The following VTI1A variants were observed in gnomAD, a reference collection of about 807,000 sequenced individuals.
VTI1A encodes the protein vesicle transport through interaction with t-SNAREs 1A.
VTI1A carries 22 observed loss-of-function variants against 34.9 expected under a neutral mutation model. That is an observed-to-expected ratio of 0.63 (90% confidence interval 0.45 to 0.90). The LOEUF (loss-of-function observed/expected upper bound fraction) is 0.90. Ranked by LOEUF, VTI1A falls within the 40% of genes least tolerant of loss-of-function variation. The pLI is 0.00. For synonymous variants in VTI1A, 87 were observed against 97.3 expected (o/e 0.89, Z 0.62); for missense variants, 268 against 275.6 (o/e 0.97, Z 0.20).
chr10:112,825,928 A>G, the VTI1A span: 1 of 152,254 alleles, frequency 6.6e-6, no homozygotes. Flanking sequence ...AGGAATGGTA[A>G]AAGTCATGCT....
chr10:112,851,467 G>A, the VTI1A span, among the ~76,000 whole-genome samples: 116 of 152,256 alleles, frequency 7.6e-4, no homozygotes, highest in Admixed American at 2.4e-3. Flanking sequence ...CTGTCTACAC[G>A]CTGAACCCCT....
intron 7 of VTI1A, among the ~76,000 whole-genome samples, chr10:112,741,287 C>G (rs1850685811): frequency 6.6e-6 from 1 of 151,954 alleles, no homozygotes; most frequent in Admixed American, 6.6e-5. Flanking sequence ...GGAACCCCGT[C>G]CTACTAAAAA....
intron 3 of VTI1A, among the ~76,000 whole-genome samples, chr10:112,525,580 ATTT>A (rs941413650): frequency 1.5e-4 from 23 of 152,008 alleles, no homozygotes; most frequent in Non-Finnish European, 3.1e-4. Context: ...AGGTTTATTT[ATTT>A]TTATTTCTAT....
intron 7 of VTI1A, among the ~76,000 whole-genome samples, chr10:112,812,754 C>A (rs1564935467): frequency 6.6e-6 from 1 of 152,180 alleles, no homozygotes; most frequent in African/African-American, 2.4e-5. Flanking sequence ...GGTTTGAAAG[C>A]AAATGCCCTT....
At chr10:112,763,874 C>G (rs1851564432) in intron 7 of VTI1A, among the ~76,000 whole-genome samples, 1 of 152,166 alleles carries the variant, frequency 6.6e-6, no homozygotes, top group African/African-American at 2.4e-5. Flanking sequence ...GGGTGCCAAT[C>G]AGACACTGCT....
intron 5 of VTI1A, among the ~76,000 whole-genome samples, chr10:112,602,462 A>G (rs1167899556): frequency 2.0e-5 from 3 of 152,244 alleles, no homozygotes; most frequent in South Asian, 2.1e-4. Flanking sequence ...GAGACTTATC[A>G]AAGCTTTCTT....
At chr10:112,548,799 A>G in intron 5 of VTI1A, 1 of 1,498,336 alleles carries the variant, frequency 6.7e-7, no homozygotes, top group Non-Finnish European at 9.0e-7. Context: ...CAGGAACCAT[A>G]CCAACAATGG....
intron 7 of VTI1A, among the ~76,000 whole-genome samples, chr10:112,708,877 A>G (rs972584077): frequency 1.3e-5 from 2 of 152,172 alleles, no homozygotes; most frequent in African/African-American, 4.8e-5. Context: ...TCCTAAAAAC[A>G]TGTTTCGTAG....
rs528388154 is a variant in VTI1A at position 112,705,945 on chromosome 10, T to G, written c.560+36947T>G. On this transcript the variant is annotated intron_variant, in intron 7 of 7. Transcript: ENST00000393077. Reference sequence around the variant, plus strand: ...TGTCATTTGAAAAAAAAAATTCTTTTGTCGTTGTTGTTTTTGTTAAGTTTG... The same window carrying G: ...TGTCATTTGAAAAAAAAAATTCTTTGGTCGTTGTTGTTTTTGTTAAGTTTG... Among the ~76,000 whole-genome samples, 5 of 152,350 alleles carry G rather than the reference T, an allele frequency of 3.3e-5. No homozygotes were observed. The East Asian group carries it at 9.6e-4, about 29-fold the overall frequency.
At position 112,817,138 on chromosome 10, in the gene VTI1A, A is replaced by G. The variant is rs1853546768; in HGVS notation, c.*1755A>G. ...TCTAAGAACCATTAAAAAGCAAGGAAACAAACAAACAACCCTTTTCTCATT... is the reference window on the plus strand; with the variant it reads ...TCTAAGAACCATTAAAAAGCAAGGAGACAAACAAACAACCCTTTTCTCATT... On this transcript the variant is annotated 3_prime_UTR_variant, in exon 8 of 8. Transcript: ENST00000393077. 1 of 232,562 alleles carries G rather than the reference A, an allele frequency of 4.3e-6. No individual in the cohort carries two copies. Among genetic ancestry groups the G allele is most frequent in the Non-Finnish European group, 8.5e-6 (1 of 117,598 alleles). 14.4% of individuals were successfully genotyped at this position (232,562 alleles called of 1,614,324 possible). A position where few individuals can be genotyped will look rare whatever the true frequency, so the allele number is the denominator to read the frequency against.
intron 7 of VTI1A, among the ~76,000 whole-genome samples, chr10:112,798,103 C>T (rs1400825639): frequency 6.6e-6 from 1 of 152,192 alleles, no homozygotes. Context: ...CTGCAGGGCG[C>T]TCTGACCATC....
intron 5 of VTI1A, among the ~76,000 whole-genome samples, chr10:112,640,535 G>GAA (rs1334331993): frequency 6.8e-6 from 1 of 146,870 alleles, no homozygotes; most frequent in Admixed American, 6.8e-5. Context: ...CAACAATCTG[G>GAA]GAAAAAAAAC....
chr10:112,741,837 C>G (rs1046027168), intron 7 of VTI1A, among the ~76,000 whole-genome samples: 1 of 152,092 alleles, frequency 6.6e-6, no homozygotes, highest in Non-Finnish European at 1.5e-5. Flanking sequence ...ACTTGTTCAA[C>G]AGTGTCAATG....
chr10:112,704,757 A>G (rs1849133613), intron 7 of VTI1A, among the ~76,000 whole-genome samples: 1 of 152,242 alleles, frequency 6.6e-6, no homozygotes, highest in Admixed American at 6.5e-5. Flanking sequence ...TGCTGTGGCT[A>G]TAGTAGTGTG....
chr10:112,615,429 T>G (rs1175103255), intron 5 of VTI1A, among the ~76,000 whole-genome samples: 1 of 152,204 alleles, frequency 6.6e-6, no homozygotes, highest in African/African-American at 2.4e-5. Context: ...ACATCTCTTT[T>G]TGTTTGGATG....
chr10:112,687,693 G>A (rs933892269), intron 7 of VTI1A, among the ~76,000 whole-genome samples: 1 of 152,070 alleles, frequency 6.6e-6, no homozygotes, highest in Non-Finnish European at 1.5e-5. Flanking sequence ...CATTCTTGGT[G>A]CACAACTGCC....
chr10:112,610,990 C>T (rs560184107), intron 5 of VTI1A, among the ~76,000 whole-genome samples: 33 of 152,028 alleles, frequency 2.2e-4, no homozygotes, highest in Non-Finnish European at 4.4e-4. Flanking sequence ...CTGTCCAACA[C>T]GTGAAATGAA....
At chr10:112,621,492 T>C (rs1369761372) in intron 5 of VTI1A, among the ~76,000 whole-genome samples, 1 of 152,164 alleles carries the variant, frequency 6.6e-6, no homozygotes, top group Non-Finnish European at 1.5e-5. Context: ...CAGGTACACA[T>C]TATTGTCCCC....
At chr10:112,681,057 A>G (rs966629249) in intron 7 of VTI1A, among the ~76,000 whole-genome samples, 1 of 150,396 alleles carries the variant, frequency 6.6e-6, no homozygotes, top group Non-Finnish European at 1.5e-5. Flanking sequence ...AAACTGTTGA[A>G]TTTTTCTCTT....
Sources: allele counts gnomAD v4.1 joint callset (sites outside exome capture counted in the v4.1 genomes callset), GRCh38; gene constraint gnomAD v4.1.1; transcripts MANE v1.5; gene names NCBI Gene and HGNC (gene_info 2026-07-23, HGNC 2026-07-21).